The following SHROOM3 variants were observed in gnomAD, a reference collection of about 807,000 sequenced individuals.
SHROOM3 encodes the protein shroom family member 3.
SHROOM3 carries 47 observed loss-of-function variants against 138.6 expected under a neutral mutation model. The observed-to-expected ratio is 0.34, with a 90% CI of 0.27 to 0.43. The LOEUF is 0.43. SHROOM3 is among the 20% of genes least tolerant of loss of function. The pLI, the probability that SHROOM3 is intolerant of heterozygous loss-of-function variation, is 1.00. For synonymous variants in SHROOM3, 1,062 were observed against 1,063.3 expected (o/e 1.00, Z 0.02); for missense variants, 2,491 against 2,596.5 (o/e 0.96, Z 0.88).
chr4:76,436,257 TG>T lies in SHROOM3; in HGVS notation c.168+38del, dbSNP rs773104837. The T allele has an allele frequency of 3.1e-6, 5 of 1,611,632 alleles. No individual in the cohort carries two copies. The African/African-American group carries it at 6.7e-5, about 22-fold the overall frequency. On this transcript the variant is annotated intron_variant, in intron 1 of 10. Transcript: ENST00000296043. ...TTTCCAATATTGCCTTTATTCAAATTGTTTTTTTCAACTTGTCAGATTTGTC... is the reference window on the plus strand; with the variant it reads ...TTTCCAATATTGCCTTTATTCAAATTTTTTTTTCAACTTGTCAGATTTGTC...
chr4:76,501,913 C>T (rs1032353427), intron 1 of SHROOM3, among the ~76,000 whole-genome samples: 15 of 152,114 alleles, frequency 9.9e-5, no homozygotes, highest in Non-Finnish European at 4.4e-5. Context: ...ACATAAGTAA[C>T]GTATTTCCCT....
chr4:76,476,378 A>G (rs944169636), intron 1 of SHROOM3, among the ~76,000 whole-genome samples: 2 of 152,176 alleles, frequency 1.3e-5, no homozygotes, highest in East Asian at 1.9e-4. Context: ...GGTCTGGCCT[A>G]TGATATGTTT....
chr4:76,564,676 A>G (rs1733662672), intron 2 of SHROOM3, among the ~76,000 whole-genome samples: 1 of 152,188 alleles, frequency 6.6e-6, no homozygotes, highest in African/African-American at 2.4e-5. Context: ...AATGGGTTAC[A>G]TATGCTTACT....
intron 2 of SHROOM3, among the ~76,000 whole-genome samples, chr4:76,675,205 A>G (rs938175624): frequency 6.6e-6 from 1 of 152,124 alleles, no homozygotes; most frequent in African/African-American, 2.4e-5. Flanking sequence ...AGGGAAGCTC[A>G]AAGTCCAGAT....
chr4:76,548,042 T>C (rs1257076819), intron 1 of SHROOM3, among the ~76,000 whole-genome samples: 2 of 147,538 alleles, frequency 1.4e-5, no homozygotes, highest in Non-Finnish European at 3.0e-5. Flanking sequence ...TTTAAAGCGG[T>C]AGCTAGGAAA....
intron 2 of SHROOM3, among the ~76,000 whole-genome samples, chr4:76,567,633 G>C (rs1403684426): frequency 6.6e-6 from 1 of 152,162 alleles, no homozygotes; most frequent in African/African-American, 2.4e-5. Flanking sequence ...CTGGGCAACA[G>C]AGCGAGACTC....
At chr4:76,751,370 A>C (rs770437535) in intron 6 of SHROOM3, among the ~76,000 whole-genome samples, 23 of 152,218 alleles carry the variant, frequency 1.5e-4, no homozygotes, top group Non-Finnish European at 3.1e-4. Context: ...TGAATACATG[A>C]AATTCAGACT....
At chr4:76,590,153 T>C (rs1194358614) in intron 2 of SHROOM3, among the ~76,000 whole-genome samples, 1 of 152,146 alleles carries the variant, frequency 6.6e-6, no homozygotes, top group Non-Finnish European at 1.5e-5. Flanking sequence ...ATTAAAACAA[T>C]GAAATGAATT....
At chr4:76,566,743 T>A (rs1733732918) in intron 2 of SHROOM3, among the ~76,000 whole-genome samples, 1 of 152,242 alleles carries the variant, frequency 6.6e-6, no homozygotes, top group Non-Finnish European at 1.5e-5. Flanking sequence ...AAACACCTGG[T>A]TCCATCTGAC....
chr4:76,740,599 A>G lies in SHROOM3; in HGVS notation c.2426A>G (p.Tyr809Cys). The G allele has an allele frequency of 3.7e-6, 6 of 1,614,166 alleles. No homozygotes were observed. Among genetic ancestry groups the G allele is most frequent in the Middle Eastern group, 1.7e-4 (1 of 6,060 alleles). The change falls in exon 5 of 11, where the codon TAT (tyrosine) becomes TGT (cysteine). Residue 809 changes from tyrosine to cysteine, a missense_variant. Physicochemically the swap from Tyr to Cys is radical, Grantham distance 194. Transcript: ENST00000296043. This position sits in a 1 kb window ranked among gnomAD's most constrained non-coding sequence, Gnocchi z 4.0. ...SVGGSGFGHN[Y>C]RPHRTVSTSS... ...GGCGGCTCTGGTTTTGGCCATAACT[A>G]TAGGCCCCACAGGACCGTCTCAACT...
At chr4:76,456,661 A>G (rs1223591853) in intron 1 of SHROOM3, among the ~76,000 whole-genome samples, 1 of 152,230 alleles carries the variant, frequency 6.6e-6, no homozygotes, top group Non-Finnish European at 1.5e-5. Flanking sequence ...GCCACTGAAA[A>G]TAATGATGCA....
At chr4:76,495,372 G>T (rs905890764) in intron 1 of SHROOM3, among the ~76,000 whole-genome samples, 1 of 152,178 alleles carries the variant, frequency 6.6e-6, no homozygotes, top group East Asian at 1.9e-4. Context: ...CCCAGGGATG[G>T]CCTAGAACCA....
chr4:76,593,216 G>A (rs1734310264), intron 2 of SHROOM3, among the ~76,000 whole-genome samples: 1 of 152,224 alleles, frequency 6.6e-6, no homozygotes, highest in South Asian at 2.1e-4. Context: ...GTCTAAAAAT[G>A]TGCACCTTCA....
chr4:76,511,174 C>G (rs1317165837), intron 1 of SHROOM3, among the ~76,000 whole-genome samples: 1 of 139,652 alleles, frequency 7.2e-6, no homozygotes, highest in African/African-American at 2.9e-5. Flanking sequence ...AAGAGGGAAA[C>G]TCCATCTCAA....
At chr4:76,608,567 TA>T (rs1734675410) in intron 2 of SHROOM3, among the ~76,000 whole-genome samples, 1 of 148,858 alleles carries the variant, frequency 6.7e-6, no homozygotes, top group Non-Finnish European at 1.5e-5. Flanking sequence ...TAGCATAGCA[TA>T]GCATAGCATA....
At chr4:76,524,459 A>G (rs1376565881) in intron 1 of SHROOM3, among the ~76,000 whole-genome samples, 1 of 152,200 alleles carries the variant, frequency 6.6e-6, no homozygotes, top group Non-Finnish European at 1.5e-5. Flanking sequence ...AGTGAGCCCA[A>G]AGGAGGCGAA....
At chr4:76,567,493 A>G (rs1426662669) in intron 2 of SHROOM3, among the ~76,000 whole-genome samples, 1 of 152,146 alleles carries the variant, frequency 6.6e-6, no homozygotes, top group Non-Finnish European at 1.5e-5. Context: ...TATTAAAAAT[A>G]CAAAAAATTA....
chr4:76,483,909 G>A (rs544875597), intron 1 of SHROOM3, among the ~76,000 whole-genome samples: 12 of 151,504 alleles, frequency 7.9e-5, no homozygotes, highest in African/African-American at 2.7e-4. Flanking sequence ...ACCAAACACT[G>A]CATGTTCTCA....
chr4:76,767,813 C>CA (rs1409287238), intron 9 of SHROOM3, among the ~76,000 whole-genome samples: 2 of 151,858 alleles, frequency 1.3e-5, no homozygotes, highest in East Asian at 1.9e-4. Context: ...ATACTAGTTT[C>CA]AAAAAAAGTC....
Sources: gnomAD v4.1 joint callset for allele counts (sites outside exome capture counted in the v4.1 genomes callset) on GRCh38, gnomAD v4.1.1 for gene constraint, Gnocchi (gnomAD v3.1) non-coding constraint, MANE v1.5 for transcripts, NCBI Gene and HGNC (gene_info 2026-07-23, HGNC 2026-07-21) for gene names.